KPNB1: variants seen among roughly 807,000 people sequenced by gnomAD.
KPNB1 encodes importin subunit beta-1.
In KPNB1, 7 loss-of-function variants were observed where a neutral mutation model predicts 113.0. The observed-to-expected ratio is 0.06, with a 90% CI of 0.04 to 0.12. KPNB1 has a LOEUF of 0.12. Among genes scored for constraint, KPNB1 ranks in the 10% least tolerant of loss-of-function variants. The pLI, the probability that KPNB1 is intolerant of heterozygous loss-of-function variation, is 1.00. For synonymous variants in KPNB1, 363 were observed against 378.6 expected, an observed-to-expected ratio of 0.96 and a Z score of 0.48; for missense variants, 400 against 1,054.8, an observed-to-expected ratio of 0.38 and a Z score of 8.60.
chr17:47,678,544 C>G, intron 19 of KPNB1, 131 bp downstream of exon 19: 2 of 667,098 alleles, frequency 3.0e-6, no homozygotes, highest in Non-Finnish European at 5.4e-6. Context: ...GAAGGGGGAG[C>G]AGTGCCCTAA....
chr17:47,655,466 G>A (rs530052940), intron 3 of KPNB1, among the ~76,000 whole-genome samples: 1 of 152,184 alleles, frequency 6.6e-6, no homozygotes, highest in East Asian at 1.9e-4. Flanking sequence ...TAGTTCATAG[G>A]TGTTATTAAC....
At chr17:47,657,520 T>C (rs2029943831) in intron 4 of KPNB1, among the ~76,000 whole-genome samples, 1 of 152,222 alleles carries the variant, frequency 6.6e-6, no homozygotes, top group Non-Finnish European at 1.5e-5. Flanking sequence ...GTTACCACTC[T>C]TGGTGTGTAT....
rs1269051724 is a variant in KPNB1, at chr17:47,676,506, T to A, written c.1995+15T>A. The A allele has an allele frequency of 2.5e-6, 4 of 1,580,598 alleles. No homozygotes were observed. Among genetic ancestry groups the A allele is most frequent in the African/African-American group, 1.3e-5 (1 of 74,304 alleles). ...CTGAATACCAGGTAGGATGTGCTTT[T>A]CAAAATAGTATGTTCCCATTTATAT... is the stretch of plus-strand genomic sequence containing the variant. On this transcript the variant is annotated intron_variant, in intron 16 of 21. Transcript: ENST00000290158.
intron 4 of KPNB1, among the ~76,000 whole-genome samples, chr17:47,658,054 C>T (rs914399885): frequency 6.6e-6 from 1 of 152,140 alleles, no homozygotes; most frequent in Admixed American, 6.6e-5. Flanking sequence ...TGAATAGCCA[C>T]TGCACTTTAG....
rs1347737664 is a variant in KPNB1 at position 47,650,042 on chromosome 17, A to AGGGAGGAAGTAAGGGAAGAG, written c.-201_-182dup. On this transcript the variant is annotated 5_prime_UTR_variant, in exon 1 of 22. Coordinates refer to ENST00000290158, the MANE Select transcript of KPNB1 (RefSeq NM_002265.6). ...CCCCCGCCGCCAGCAGCCCATTTGG[A>AGGGAGGAAGTAAGGGAAGAG]GGGAGGAAGTAAGGGAAGAGGAGAG... 7.4e-7 allele frequency: 1 copy of AGGGAGGAAGTAAGGGAAGAG among 1,355,982 alleles called. No individual in the cohort carries two copies. Among genetic ancestry groups the AGGGAGGAAGTAAGGGAAGAG allele is most frequent in the Admixed American group, 3.7e-5 (1 of 26,936 alleles). 84.0% of individuals were successfully genotyped at this position (1,355,982 alleles called of 1,614,324 possible).
intron 21 of KPNB1, among the ~76,000 whole-genome samples, chr17:47,681,654 C>G (rs929381925): frequency 2.6e-5 from 4 of 151,122 alleles, no homozygotes; most frequent in African/African-American, 9.7e-5. Flanking sequence ...GTGATCCACC[C>G]ACCTCAGCCT....
At chr17:47,680,419 A>G in intron 20 of KPNB1, 89 bp from the exon 21 acceptor site, 1 of 1,430,480 alleles carries the variant, frequency 7.0e-7, no homozygotes, top group Non-Finnish European at 9.6e-7. Flanking sequence ...AAATTTGCTA[A>G]GAAACCCATA....
At chr17:47,676,146 G>T (rs893145227) in intron 15 of KPNB1, among the ~76,000 whole-genome samples, 1 of 152,172 alleles carries the variant, frequency 6.6e-6, no homozygotes. Flanking sequence ...ATACCACTTG[G>T]TTGTATTAGT....
chr17:47,675,399 T>TTTTTTTTTTTTTTTTTTTTTA (rs2030587195), intron 15 of KPNB1, among the ~76,000 whole-genome samples: 1 of 139,544 alleles, frequency 7.2e-6, no homozygotes, highest in Non-Finnish European at 1.6e-5. Flanking sequence ...GTTTTTTTTT[T>TTTTTTTTTTTTTTTTTTTTTA]GAGACTTGTT....
intron 21 of KPNB1, 120 bp from the exon 22 acceptor site, chr17:47,682,284 C>T: frequency 1.4e-6 from 1 of 738,716 alleles, no homozygotes; most frequent in Non-Finnish European, 2.5e-6. Flanking sequence ...AGTGTCAATC[C>T]TTGAAATGTT....
At chr17:47,676,608 G>A in intron 16 of KPNB1, 117 bp downstream of exon 16, 2 of 726,944 alleles carry the variant, frequency 2.8e-6, no homozygotes, top group Non-Finnish European at 4.7e-6. Flanking sequence ...GTCCTAAAAG[G>A]CAAGCTACTT....
rs2030397107 is a variant in KPNB1, at chr17:47,669,881, T to C, written c.1416+12T>C. The C allele has an allele frequency of 6.4e-7, 1 of 1,561,642 alleles. No homozygotes were observed. The highest frequency in any genetic ancestry group is 8.8e-7 in the Non-Finnish European group (1 of 1,138,650). On this transcript the variant is annotated intron_variant, in intron 11 of 21. Transcript: ENST00000290158. ...CAAATGTGTGCTGGGTAAGGGATTT[T>C]CTTGCTGGTGAGAAAAGGAGCTTGC...
chr17:47,651,478 G>A (rs1272174667), intron 2 of KPNB1: 4 of 376,570 alleles, frequency 1.1e-5, no homozygotes, highest in Non-Finnish European at 1.5e-5. Flanking sequence ...ATTTTATACA[G>A]ACTGCCTTTG....
chr17:47,675,385 G>GTTTTTTTTTTTTTTTTTTT (rs1462077639), intron 15 of KPNB1, among the ~76,000 whole-genome samples: 1 of 82,110 alleles, frequency 1.2e-5, no homozygotes, highest in Non-Finnish European at 2.3e-5. Flanking sequence ...TTTTTTTTTT[G>GTTTTTTTTTTTTTTTTTTT]TTTGTTTTTT....
In KPNB1 at chr17:47,684,872, C is replaced by G. The variant is rs1370127884; in HGVS notation, c.*2468C>G. 5 of 152,424 alleles carry G rather than the reference C, an allele frequency of 3.3e-5. No individual in the cohort carries two copies. Among genetic ancestry groups the G allele is most frequent in the African/African-American group, 9.7e-5 (4 of 41,422 alleles). 9.4% of individuals were successfully genotyped at this position (152,424 alleles called of 1,614,324 possible). The stretch of plus-strand genomic sequence containing the variant: ...GTTAACCTTTTGCCAGTGGGTTTTC[C>G]ATAGTCTGGGTATTTGTCCTTATAT... On this transcript the variant is annotated 3_prime_UTR_variant, in exon 22 of 22. Transcript: ENST00000290158.
rs1229483782 is a variant in KPNB1 at position 47,658,664 on chromosome 17, A to G, written c.636+4A>G. 1.2e-6 allele frequency: 2 copies of G among 1,611,940 alleles called. No homozygotes were observed. The highest frequency in any genetic ancestry group is 3.3e-5 in the Admixed American group (2 of 59,768). Reference sequence around the variant, plus strand: ...CAAAGCAAACTTTGATAAAGAGGTAAGTTTTTTGACAATAAGGTATAGATT... The same window carrying G: ...CAAAGCAAACTTTGATAAAGAGGTAGGTTTTTTGACAATAAGGTATAGATT... On this transcript the variant is annotated splice_donor_region_variant and intron_variant, in intron 5 of 21. Coordinates refer to ENST00000290158, the MANE Select transcript of KPNB1 (RefSeq NM_002265.6).
intron 5 of KPNB1, among the ~76,000 whole-genome samples, chr17:47,660,441 ACT>A (rs762170533): frequency 4.6e-5 from 7 of 151,910 alleles, no homozygotes; most frequent in Non-Finnish European, 8.8e-5. Context: ...TATCTTTGAG[ACT>A]CTGCTTTCAG....
intron 2 of KPNB1, among the ~76,000 whole-genome samples, chr17:47,652,204 T>C (rs1397339747): frequency 6.6e-6 from 1 of 152,176 alleles, no homozygotes; most frequent in Admixed American, 6.5e-5. Flanking sequence ...TGCCATGAGA[T>C]GGAAAGTTGG....
rs760007351 is a variant in KPNB1, at chr17:47,650,451, G to A, written c.99+7G>A. Reference sequence around the variant, plus strand: ...TGCGGCCGTGGAGAACCTGGTGCGTGCTACCCCGCCGCGCCCATCCCGCCG... The same window carrying A: ...TGCGGCCGTGGAGAACCTGGTGCGTACTACCCCGCCGCGCCCATCCCGCCG... On this transcript the variant is annotated splice_region_variant and intron_variant, in intron 2 of 21. Coordinates refer to ENST00000290158, the MANE Select transcript of KPNB1 (RefSeq NM_002265.6). 5 of 1,587,488 alleles carry A rather than the reference G, an allele frequency of 3.1e-6. No homozygotes were observed. The highest frequency in any genetic ancestry group is 1.1e-5 in the South Asian group (1 of 88,802).
Sources: gnomAD v4.1 joint callset for allele counts (sites outside exome capture counted in the v4.1 genomes callset) on GRCh38, gnomAD v4.1.1 for gene constraint, MANE v1.5 for transcripts, NCBI Gene and HGNC (gene_info 2026-07-23, HGNC 2026-07-21) for gene names.